The following SIN3A variants were observed in gnomAD, a reference collection of about 807,000 sequenced individuals.
SIN3A encodes paired amphipathic helix protein Sin3a.
Under a neutral mutation model 146.1 loss-of-function variants are expected in SIN3A, and 14 were observed. That is an observed-to-expected ratio of 0.10 (90% CI 0.06 to 0.15). SIN3A has a LOEUF of 0.15. SIN3A is among the 10% of genes least tolerant of loss of function. SIN3A has a pLI of 1.00. For missense variants in SIN3A, 1,028 were observed against 1,576.0 expected (o/e 0.65, Z 5.89); for synonymous variants, 572 against 572.0 (o/e 1.00, Z 0.00).
At chr15:75,384,026 C>A in intron 17 of SIN3A, 1 of 252,838 alleles carries the variant, frequency 4.0e-6, no homozygotes, top group Non-Finnish European at 7.4e-6. Flanking sequence ...AAAAAGAATA[C>A]AAAATTGTAA....
At position 75,410,247 on chromosome 15, in the gene SIN3A, T is replaced by C; in HGVS notation, c.1048A>G (p.Thr350Ala). The C allele has an allele frequency of 6.2e-7, 1 of 1,613,342 alleles. No individual in the cohort carries two copies. The highest frequency in any genetic ancestry group is 8.5e-7 in the Non-Finnish European group (1 of 1,179,662). Reference sequence around the variant, plus strand: ...ACCTCCTGCTCTGTCAATGCTGGAGTGTAGTTTCCTCCAGCTTCCTTGGCA... The same window carrying C: ...ACCTCCTGCTCTGTCAATGCTGGAGCGTAGTTTCCTCCAGCTTCCTTGGCA... The part of the protein sequence containing the change: ...RNAKEAGGNY[T>A]PALTEQEVYA... Residue 350 changes from threonine to alanine, a missense_variant, in exon 7 of 21, where the codon ACT (threonine) becomes GCT (alanine). Physicochemically the swap from Thr to Ala is moderately conservative, Grantham distance 58. Around this residue, in one of 9 missense-constraint regions of SIN3A, gnomAD observed 40 missense variants for 74.0 expected, o/e 0.54. Transcript: ENST00000394947.
intron 4 of SIN3A, among the ~76,000 whole-genome samples, 157 bp from the exon 5 acceptor site, chr15:75,413,202 C>A (rs186164096): frequency 6.6e-6 from 1 of 152,128 alleles, no homozygotes; most frequent in Admixed American, 6.5e-5. Context: ...CTCACTGCAA[C>A]CTCCACCTCC....
rs759472230 is a variant in SIN3A, at chr15:75,409,911, G to A, written c.1242C>T (p.Asn414=). The change falls in exon 8 of 21, where the codon AAC becomes AAT. Residue 414 remains asparagine (N), a synonymous_variant. Transcript: ENST00000394947. ...TCTGGCTGGGCCTCTGCGGCTTGTT[G>A]TTCAGTTGGGGCTTCTTGACAGTGC... The part of the protein sequence containing the change: ...HGGTVKKPQL[N]NKPQRPSQNG... 62 of 1,613,928 alleles carry A rather than the reference G, an allele frequency of 3.8e-5. 1 individual carries two copies. The South Asian group carries it at 5.9e-4, about 15-fold the overall frequency.
chr15:75,394,419 GAA>G (rs2073265237), intron 14 of SIN3A, among the ~76,000 whole-genome samples: 2 of 152,218 alleles, frequency 1.3e-5, no homozygotes, highest in Admixed American at 6.5e-5. Flanking sequence ...GGTAGTCGGA[GAA>G]GTGGAAAATG....
At chr15:75,390,066 A>G (rs974551313) in intron 15 of SIN3A, among the ~76,000 whole-genome samples, 1 of 152,214 alleles carries the variant, frequency 6.6e-6, no homozygotes, top group African/African-American at 2.4e-5. Context: ...ACCATGCTAG[A>G]AAGATACTTC....
chr15:75,379,534 T>C (rs1408199028), intron 19 of SIN3A, among the ~76,000 whole-genome samples: 2 of 152,248 alleles, frequency 1.3e-5, no homozygotes, highest in African/African-American at 4.8e-5. Context: ...TGTAGTATGT[T>C]ATTAGCATGG....
At chr15:75,384,094 A>G (rs2073036155) in intron 17 of SIN3A, 170 bp downstream of exon 17, 2 of 438,210 alleles carry the variant, frequency 4.6e-6, no homozygotes, top group South Asian at 1.5e-4. Flanking sequence ...AACAAAGTAG[A>G]TTGTCCAGGA....
chr15:75,453,301 G>T (rs1054221051), upstream of SIN3A: 3 of 152,340 alleles, frequency 2.0e-5, no homozygotes, highest in Admixed American at 2.0e-4. Flanking sequence ...ACAGGTGGGA[G>T]CAGCCTCGCC....
Position 75,433,235 on chromosome 15 carries a change from C to T in SIN3A, c.-33-2827G>A, listed in dbSNP as rs574924266. 7.2e-5 allele frequency among the ~76,000 whole-genome samples: 11 copies of T among 152,184 alleles called. No homozygotes were observed. The South Asian group carries it at 2.1e-3, about 29-fold the overall frequency. On this transcript the variant is annotated intron_variant, in intron 1 of 20. Transcript: ENST00000394947. ...ACTCCAAACTCTATCTACCATGAAGCTTTCTAATTTTGGCCCTGTTTTCAA... is the reference window on the plus strand; with the variant it reads ...ACTCCAAACTCTATCTACCATGAAGTTTTCTAATTTTGGCCCTGTTTTCAA...
At chr15:75,391,421 CAG>C (rs2073196805) in intron 15 of SIN3A, among the ~76,000 whole-genome samples, 1 of 151,304 alleles carries the variant, frequency 6.6e-6, no homozygotes, top group Non-Finnish European at 1.5e-5. Context: ...TAAAAGCTTT[CAG>C]AATTATTTTT....
intron 9 of SIN3A, among the ~76,000 whole-genome samples, chr15:75,403,445 A>ATGT (rs1232674481): frequency 6.6e-6 from 1 of 151,900 alleles, no homozygotes; most frequent in East Asian, 1.9e-4. Context: ...AAAAAATACC[A>ATGT]TAATAACAAT....
intron 19 of SIN3A, among the ~76,000 whole-genome samples, chr15:75,379,206 T>G (rs76744051): frequency 6.6e-6 from 1 of 152,192 alleles, no homozygotes; most frequent in Non-Finnish European, 1.5e-5. Context: ...CCCAATATTG[T>G]TATTTTTCAA....
chr15:75,452,669 C>T (rs1450304878), upstream of SIN3A, among the ~76,000 whole-genome samples: 5 of 152,226 alleles, frequency 3.3e-5, no homozygotes, highest in Non-Finnish European at 5.9e-5. Context: ...GCTCTAACAG[C>T]CACCGCCCTG....
chr15:75,430,216 T>C lies in SIN3A; in HGVS notation c.160A>G (p.Ile54Val), dbSNP rs771027935. Residue 54 changes from isoleucine to valine, a missense_variant, in exon 2 of 21, where the codon ATT (isoleucine) becomes GTT (valine). This residue lies in a region of SIN3A where 152 missense variants were observed against 231.5 expected (regional missense o/e 0.66). Transcript: ENST00000394947. ...VSETMQSATG[I>V]QYSVTPSYQV... is the part of the protein sequence containing the mutation. The stretch of plus-strand genomic sequence containing the variant: ...TAGCTGGGTGTTACAGAGTACTGAA[T>C]TCCCGTAGCTGACTGCATGGTCTCA... 6.2e-7 allele frequency: 1 copy of C among 1,614,176 alleles called. No individual in the cohort carries two copies. Among genetic ancestry groups the C allele is most frequent in the African/African-American group, 1.3e-5 (1 of 75,056 alleles).
At chr15:75,380,529 G>A in intron 19 of SIN3A, 100 bp downstream of exon 19, 1 of 890,424 alleles carries the variant, frequency 1.1e-6, no homozygotes, top group Admixed American at 1.9e-5. Flanking sequence ...TAGAACAAAT[G>A]AATAAAATAT....
At chr15:75,411,385 G>A in intron 6 of SIN3A, 107 bp downstream of exon 6, 1 of 1,203,580 alleles carries the variant, frequency 8.3e-7, no homozygotes, top group South Asian at 1.6e-5. Flanking sequence ...TTTCTAACTG[G>A]TTAATTTCCA....
At chr15:75,382,241 C>A (rs896090147) in intron 17 of SIN3A, among the ~76,000 whole-genome samples, 9 of 152,194 alleles carry the variant, frequency 5.9e-5, no homozygotes, top group Non-Finnish European at 1.2e-4. Context: ...CATGCAGAGC[C>A]AGAAGCTAGA....
At chr15:75,401,274 T>C (rs527478531) in intron 10 of SIN3A, among the ~76,000 whole-genome samples, 47 of 152,272 alleles carry the variant, frequency 3.1e-4, no homozygotes, top group Non-Finnish European at 5.3e-4. Flanking sequence ...ATGCCTGTAA[T>C]CCCAGCACTT....
intron 5 of SIN3A, among the ~76,000 whole-genome samples, chr15:75,412,543 A>G (rs1459235410): frequency 6.6e-6 from 1 of 152,212 alleles, no homozygotes; most frequent in Non-Finnish European, 1.5e-5. Flanking sequence ...AAAAAGAAAG[A>G]CCTTGAAAGT....
Sources: gnomAD v4.1 joint callset for allele counts (sites outside exome capture counted in the v4.1 genomes callset) on GRCh38, gnomAD v4.1.1 for gene constraint, gnomAD v4.1.1 regional missense constraint, MANE v1.5 for transcripts, NCBI Gene and HGNC (gene_info 2026-07-23, HGNC 2026-07-21) for gene names.